DLC1: variants seen among roughly 807,000 people sequenced by gnomAD.
DLC1 encodes the protein DLC1 Rho GTPase activating protein, also known as rho GTPase-activating protein 7.
DLC1 carries 54 observed loss-of-function variants against 140.3 expected under a neutral mutation model. The observed-to-expected ratio is 0.38, with a 90% CI of 0.31 to 0.48. DLC1 has a LOEUF of 0.48. Ranked by LOEUF, DLC1 falls within the 20% of genes least tolerant of loss-of-function variation. The pLI is 0.96. For synonymous variants in DLC1, 986 were observed against 728.1 expected (o/e 1.35, Z -5.70); for missense variants, 2,536 against 1,907.0 (o/e 1.33, Z -6.14).
chr8:13,369,355 G>GAA (rs1333516845), intron 4 of DLC1, among the ~76,000 whole-genome samples: 2 of 136,056 alleles, frequency 1.5e-5, no homozygotes, highest in Non-Finnish European at 1.6e-5. Context: ...TGGCTGGGTC[G>GAA]AAAAAAAAAA....
intron 1 of DLC1, among the ~76,000 whole-genome samples, chr8:13,580,147 G>T (rs1330548219): frequency 9.7e-6 from 1 of 103,246 alleles, no homozygotes; most frequent in Admixed American, 1.1e-4. Flanking sequence ...TTTTGAGACA[G>T]AGTTTTGCTC....
chr8:13,239,008 G>T (rs1388442105), intron 5 of DLC1, among the ~76,000 whole-genome samples: 5 of 152,196 alleles, frequency 3.3e-5, no homozygotes, highest in African/African-American at 1.2e-4. Flanking sequence ...AAACTCGGCA[G>T]TGTGATGTGA....
chr8:13,523,416 C>G (rs1435134204), intron 1 of DLC1, among the ~76,000 whole-genome samples: 2 of 152,138 alleles, frequency 1.3e-5, no homozygotes, highest in South Asian at 2.1e-4. Context: ...AGACAGAGTT[C>G]AGAATTTTAG....
intron 4 of DLC1, among the ~76,000 whole-genome samples, chr8:13,363,709 C>T (rs1246872216): frequency 6.6e-6 from 1 of 152,042 alleles, no homozygotes; most frequent in Non-Finnish European, 1.5e-5. Flanking sequence ...GCAAAAATAT[C>T]CTACAACTTT....
At position 13,593,142 on chromosome 8, in the gene DLC1, A is replaced by G. The variant is rs540253245; in HGVS notation, c.-126+11395T>C. Among the ~76,000 whole-genome samples the G allele has an allele frequency of 2.0e-5, 3 of 152,214 alleles. No homozygotes were observed. In the South Asian group the frequency reaches 6.2e-4, roughly 32 times the overall value. On this transcript the variant is annotated intron_variant, in intron 1 of 1. Transcript: ENST00000631382. ...CACCCAATCTATGTTCCAGTTGATA[A>G]TTTTAATAAGAGCCATCACCCATTT...
rs561893206 is a variant in DLC1, at chr8:13,352,716, A to G, written c.1314+40837T>C. Among the ~76,000 whole-genome samples the G allele has an allele frequency of 8.2e-4, 125 of 152,290 alleles. 1 individual carries two copies. The highest frequency in any genetic ancestry group is 3.4e-3 in the Middle Eastern group (1 of 294). ...AGGTATAAAAATAATAGATTAACTC[A>G]GTCATTATTATGTTAATATGCATAA... On this transcript the variant is annotated intron_variant, in intron 4 of 17. Transcript: ENST00000276297.
intron 1 of DLC1, among the ~76,000 whole-genome samples, chr8:13,560,117 A>G (rs1804186666): frequency 6.6e-6 from 1 of 152,280 alleles, no homozygotes; most frequent in Middle Eastern, 3.4e-3. Context: ...TTGCTTTGCT[A>G]CTCTTAAATA....
At chr8:13,209,098 A>G (rs1827811628) in intron 5 of DLC1, among the ~76,000 whole-genome samples, 1 of 152,194 alleles carries the variant, frequency 6.6e-6, no homozygotes, top group African/African-American at 2.4e-5. Context: ...CCAGAAAAAC[A>G]AATACTTCCT....
intron 3 of DLC1, 54 bp from the exon 4 acceptor site, chr8:13,393,747 C>A (rs191262510): frequency 1.9e-6 from 3 of 1,569,268 alleles, no homozygotes; most frequent in Non-Finnish European, 2.6e-6. Flanking sequence ...TCCCAAATGC[C>A]CTTCTTCCTA....
chr8:13,288,979 T>C (rs1831646071), intron 5 of DLC1, among the ~76,000 whole-genome samples: 1 of 152,188 alleles, frequency 6.6e-6, no homozygotes, highest in East Asian at 1.9e-4. Context: ...CAGTGTTACT[T>C]GGGCCATTTT....
chr8:13,235,260 C>T (rs1308997818), intron 5 of DLC1, among the ~76,000 whole-genome samples: 4 of 151,994 alleles, frequency 2.6e-5, no homozygotes, highest in Non-Finnish European at 5.9e-5. Context: ...ACTTTGGAGG[C>T]CACTCAGTAG....
intron 5 of DLC1, among the ~76,000 whole-genome samples, chr8:13,248,662 C>T (rs1274327211): frequency 6.6e-6 from 1 of 152,170 alleles, no homozygotes; most frequent in African/African-American, 2.4e-5. Flanking sequence ...TTTTTATCCC[C>T]TGGGGTGCTT....
At chr8:13,398,140 A>G (rs1837132043) in intron 3 of DLC1, among the ~76,000 whole-genome samples, 1 of 152,174 alleles carries the variant, frequency 6.6e-6, no homozygotes, top group Non-Finnish European at 1.5e-5. Context: ...AAAAAAAAGA[A>G]CAAGACCTTG....
At chr8:13,426,198 T>A (rs556779761) in intron 2 of DLC1, among the ~76,000 whole-genome samples, 2 of 131,580 alleles carry the variant, frequency 1.5e-5, no homozygotes, top group East Asian at 4.8e-4. Context: ...TTCCAAATAT[T>A]GTCTCTTAAA....
Position 13,376,190 on chromosome 8 carries a change from T to C in DLC1, c.1314+17363A>G, listed in dbSNP as rs550111625. The stretch of plus-strand genomic sequence containing the variant: ...CATGTCTGTGTATTGGCTCCCATTT[T>C]CTCTTCCAGAGAAAATGGAAAACAT... On this transcript the variant is annotated intron_variant, in intron 4 of 17. Coordinates refer to ENST00000276297, the MANE Select transcript of DLC1 (RefSeq NM_182643.3). 2.2e-4 allele frequency among the ~76,000 whole-genome samples: 33 copies of C among 152,302 alleles called. 1 individual carries two copies. The highest frequency in any genetic ancestry group is 2.0e-3 in the Admixed American group (30 of 15,290).
chr8:13,377,358 A>G (rs980297532), intron 4 of DLC1, among the ~76,000 whole-genome samples: 2 of 152,202 alleles, frequency 1.3e-5, no homozygotes, highest in Admixed American at 1.3e-4. Context: ...TAATCTAAAG[A>G]TGGTCACAAA....
intron 5 of DLC1, among the ~76,000 whole-genome samples, chr8:13,264,895 C>T (rs529814807): frequency 7.2e-5 from 11 of 152,120 alleles, no homozygotes; most frequent in South Asian, 6.2e-4. Flanking sequence ...TTACATGTCC[C>T]GGGATACAAC....
intron 4 of DLC1, among the ~76,000 whole-genome samples, chr8:13,348,356 A>C (rs949422710): frequency 2.0e-5 from 3 of 152,188 alleles, no homozygotes; most frequent in Non-Finnish European, 4.4e-5. Flanking sequence ...GTGCCAGCTC[A>C]TTCAGGGCCA....
intron 12 of DLC1, among the ~76,000 whole-genome samples, chr8:13,094,244 G>C (rs186683150): frequency 2.0e-5 from 3 of 152,328 alleles, no homozygotes; most frequent in East Asian, 3.9e-4. Flanking sequence ...TCAGTCATTA[G>C]AGACTGGGAA....
Sources: gnomAD v4.1 joint callset for allele counts (sites outside exome capture counted in the v4.1 genomes callset) on GRCh38, gnomAD v4.1.1 for gene constraint, MANE v1.5 for transcripts, NCBI Gene and HGNC (gene_info 2026-07-23, HGNC 2026-07-21) for gene names.